Variants in TDRD3 observed in about 807,000 individuals in gnomAD.
The protein encoded by TDRD3 is tudor domain containing 3, also known as tudor domain-containing protein 3.
In TDRD3, 45 loss-of-function variants were observed where a neutral mutation model predicts 86.7. That is an observed-to-expected ratio of 0.52 (90% CI 0.41 to 0.67). TDRD3 has a LOEUF of 0.67. Among genes scored for constraint, TDRD3 ranks in the 30% least tolerant of loss-of-function variants. The pLI is 0.00. For synonymous variants in TDRD3, 298 were observed against 301.7 expected (o/e 0.99, Z 0.13); for missense variants, 814 against 889.0 (o/e 0.92, Z 1.07).
intron 10 of TDRD3, 113 bp downstream of exon 10, chr13:60,510,868 A>G: frequency 9.6e-7 from 1 of 1,040,810 alleles, no homozygotes; most frequent in Non-Finnish European, 1.3e-6. Flanking sequence ...GTAGTGTAAA[A>G]CAACTATAAT....
chr13:60,508,366 C>G (rs1387333795), intron 8 of TDRD3, among the ~76,000 whole-genome samples: 1 of 152,170 alleles, frequency 6.6e-6, no homozygotes, highest in African/African-American at 2.4e-5. Context: ...TGACTTCAAA[C>G]TATACTAAAA....
chr13:60,485,809 C>T lies in TDRD3; in HGVS notation c.578C>T (p.Ser193Phe), dbSNP rs752383674. 67 of 1,599,712 alleles carry T rather than the reference C, an allele frequency of 4.2e-5. No individual in the cohort carries two copies. The highest frequency in any genetic ancestry group is 5.4e-5 in the Non-Finnish European group (63 of 1,173,984). The change falls in exon 7 of 14, where the codon TCT becomes TTT. Residue 193 changes from serine to phenylalanine, a missense_variant. Ser to Phe is a radical substitution (Grantham distance 155). Transcript: ENST00000377881. Reference sequence around the variant, plus strand: ...TACTTGTTTTACTAGAAGTGTGTATCTCATGTCCAAGTGGATAGCAGAGAA... The same window carrying T: ...TACTTGTTTTACTAGAAGTGTGTATTTCATGTCCAAGTGGATAGCAGAGAA... ...PFVPFGQKCV[S>F]HVQVDSRELD...
intron 10 of TDRD3, among the ~76,000 whole-genome samples, chr13:60,513,133 C>T (rs889712693): frequency 6.6e-6 from 1 of 152,246 alleles, no homozygotes; most frequent in African/African-American, 2.4e-5. Flanking sequence ...ATAGGCTCAA[C>T]ATCATGTGGA....
chr13:60,485,746 C>A, intron 6 of TDRD3, 53 bp from the exon 7 acceptor site: 1 of 1,401,204 alleles, frequency 7.1e-7, no homozygotes, highest in Non-Finnish European at 9.4e-7. Context: ...CTAACGAAAA[C>A]TTGAATCTCT....
intron 12 of TDRD3, among the ~76,000 whole-genome samples, chr13:60,548,324 C>T (rs950815364): frequency 6.6e-6 from 1 of 152,130 alleles, no homozygotes; most frequent in Non-Finnish European, 1.5e-5. Flanking sequence ...AGAAAGAGAA[C>T]TTGCCTTCTG....
chr13:60,545,108 A>G (rs1030922633), intron 12 of TDRD3, among the ~76,000 whole-genome samples: 1 of 152,150 alleles, frequency 6.6e-6, no homozygotes, highest in Admixed American at 6.6e-5. Flanking sequence ...AGATGGGTCT[A>G]TATGCTCAAG....
chr13:60,461,591 A>G (rs1461220506), intron 4 of TDRD3, among the ~76,000 whole-genome samples: 3 of 152,162 alleles, frequency 2.0e-5, no homozygotes, highest in East Asian at 3.9e-4. Context: ...CACTTAATAT[A>G]AACTTGTATA....
At chr13:60,494,679 A>G in intron 8 of TDRD3, 104 bp downstream of exon 8, 2 of 1,021,226 alleles carry the variant, frequency 2.0e-6, no homozygotes, top group Admixed American at 2.7e-5. Context: ...TATTATGGAT[A>G]GATGTTATAA....
chr13:60,413,546 A>G (rs927074465), intron 1 of TDRD3, among the ~76,000 whole-genome samples: 1 of 152,214 alleles, frequency 6.6e-6, no homozygotes, highest in Non-Finnish European at 1.5e-5. Context: ...TAATACACAC[A>G]AAGTGCTTAG....
intron 1 of TDRD3, among the ~76,000 whole-genome samples, chr13:60,427,677 A>G (rs1362940276): frequency 6.6e-6 from 1 of 152,004 alleles, no homozygotes; most frequent in Non-Finnish European, 1.5e-5. Flanking sequence ...TGTAATTTGT[A>G]TTTTCTTATT....
In TDRD3 at chr13:60,397,330, C is replaced by T. The variant is rs1160386620; in HGVS notation, c.-35C>T. 2 of 1,407,698 alleles carry T rather than the reference C, an allele frequency of 1.4e-6. No homozygotes were observed. Among genetic ancestry groups the T allele is most frequent in the African/African-American group, 1.7e-5 (1 of 59,546 alleles). The allele number at this position is 1,407,698 out of a possible 1,614,324, so 87.2% of individuals were successfully genotyped here. On this transcript the variant is annotated 5_prime_UTR_variant, in exon 1 of 14. Coordinates refer to ENST00000377881, the MANE Select transcript of TDRD3 (RefSeq NM_001146070.2). ...AGGAGGCCTCCCCATCACCCCCACC[C>T]CAGCCCCCCACCACCCCCGGCCTAA...
At chr13:60,511,224 A>G (rs1166029411) in intron 10 of TDRD3, among the ~76,000 whole-genome samples, 1 of 152,206 alleles carries the variant, frequency 6.6e-6, no homozygotes, top group Non-Finnish European at 1.5e-5. Flanking sequence ...AGTATGGTAA[A>G]TATGCAGCCT....
intron 2 of TDRD3, among the ~76,000 whole-genome samples, chr13:60,444,429 A>G (rs4886230): frequency 0.2 from 30,114 of 151,872 alleles, 3,620 homozygotes; most frequent in South Asian, 0.29. Flanking sequence ...GAGTTAGTAA[A>G]TAAAAAGGTT....
intron 5 of TDRD3, among the ~76,000 whole-genome samples, chr13:60,477,523 C>G (rs1258006784): frequency 6.6e-6 from 1 of 151,954 alleles, no homozygotes; most frequent in Non-Finnish European, 1.5e-5. Flanking sequence ...CTCGATGGCT[C>G]TTATTATTTT....
intron 4 of TDRD3, among the ~76,000 whole-genome samples, chr13:60,461,461 C>G (rs752455414): frequency 6.6e-6 from 1 of 152,190 alleles, no homozygotes; most frequent in Non-Finnish European, 1.5e-5. Context: ...ATTCTGAGCT[C>G]TGTTTTCTGA....
rs149882302 is a variant in TDRD3 at position 60,421,033 on chromosome 13, C to T, written c.42-18655C>T. 3.5e-4 allele frequency among the ~76,000 whole-genome samples: 53 copies of T among 152,268 alleles called. 1 individual carries two copies. The highest frequency in any genetic ancestry group is 1.3e-3 in the African/African-American group (52 of 41,560). ...TGTCCTCATGCCAATATCACACTGTCTGGATTAATGAAGCTTTATGATAAG... is the reference window on the plus strand; with the variant it reads ...TGTCCTCATGCCAATATCACACTGTTTGGATTAATGAAGCTTTATGATAAG... On this transcript the variant is annotated intron_variant, in intron 1 of 13. Coordinates refer to ENST00000377881, the MANE Select transcript of TDRD3 (RefSeq NM_001146070.2).
chr13:60,433,535 A>C (rs540588796), intron 1 of TDRD3, among the ~76,000 whole-genome samples: 56 of 152,332 alleles, frequency 3.7e-4, no homozygotes, highest in Middle Eastern at 6.8e-3. Flanking sequence ...GAAGTTGGCT[A>C]TGAATGTTAT....
At chr13:60,406,010 A>G (rs1182464680) in intron 1 of TDRD3, among the ~76,000 whole-genome samples, 1 of 152,212 alleles carries the variant, frequency 6.6e-6, no homozygotes, top group African/African-American at 2.4e-5. Context: ...GTATCCTCAA[A>G]TCAATTACAA....
In TDRD3 at chr13:60,573,685, T is replaced by G; in HGVS notation, c.*79T>G. ...AAACCTGTTGACAGACCTTCCACTT[T>G]CTCTTCAGAATAAGTAGCTGTGGTG... On this transcript the variant is annotated 3_prime_UTR_variant, in exon 14 of 14. Transcript: ENST00000377881. 1.0e-6 allele frequency: 1 copy of G among 980,222 alleles called. No individual in the cohort carries two copies. Among genetic ancestry groups the G allele is most frequent in the African/African-American group, 1.7e-5 (1 of 57,254 alleles). 60.7% of individuals were successfully genotyped at this position (980,222 alleles called of 1,614,324 possible).
Sources: gnomAD v4.1 joint callset for allele counts (sites outside exome capture counted in the v4.1 genomes callset) on GRCh38, gnomAD v4.1.1 for gene constraint, MANE v1.5 for transcripts, NCBI Gene and HGNC (gene_info 2026-07-23, HGNC 2026-07-21) for gene names.